SCAPER: variants seen among roughly 807,000 people sequenced by gnomAD.
The protein encoded by SCAPER is S phase cyclin A-associated protein in the endoplasmic reticulum.
Under a neutral mutation model 182.2 loss-of-function variants are expected in SCAPER, and 98 were observed. That is an observed-to-expected ratio of 0.54 (90% CI 0.46 to 0.64). The LOEUF (loss-of-function observed/expected upper bound fraction) is 0.64. Ranked by LOEUF, SCAPER falls within the 30% of genes least tolerant of loss-of-function variation. The pLI, the probability that SCAPER is intolerant of heterozygous loss-of-function variation, is 0.00. For synonymous variants in SCAPER, 605 were observed against 564.6 expected (o/e 1.07, Z -1.01); for missense variants, 1,432 against 1,690.0 (o/e 0.85, Z 2.68).
chr15:76,842,778 G>A (rs1354842300), intron 4 of SCAPER, among the ~76,000 whole-genome samples: 1 of 152,088 alleles, frequency 6.6e-6, no homozygotes, highest in Non-Finnish European at 1.5e-5. Flanking sequence ...AGGTTCAGAG[G>A]CTGAGTTGTT....
intron 14 of SCAPER, among the ~76,000 whole-genome samples, chr15:76,759,319 C>T (rs538606508): frequency 2.6e-5 from 4 of 152,144 alleles, no homozygotes; most frequent in East Asian, 3.9e-4. Flanking sequence ...GACTGGAAGT[C>T]CAATATCAAG....
chr15:76,403,907 G>A (rs2044639504), intron 27 of SCAPER, among the ~76,000 whole-genome samples: 1 of 152,048 alleles, frequency 6.6e-6, no homozygotes, highest in Non-Finnish European at 1.5e-5. Context: ...ACAGTCCGCA[G>A]GGTGGGATGG....
intron 15 of SCAPER, among the ~76,000 whole-genome samples, chr15:76,739,003 T>C (rs752517516): frequency 6.6e-6 from 1 of 152,228 alleles, no homozygotes; most frequent in Non-Finnish European, 1.5e-5. Flanking sequence ...TGCATGCCTG[T>C]ACAGACATTT....
Position 76,504,926 on chromosome 15 carries a change from G to A in SCAPER, c.2887C>T (p.Leu963Phe). The change falls in exon 24 of 32, where the codon CTT becomes TTT. Residue 963 changes from leucine to phenylalanine, a missense_variant. By Grantham distance (22) the Leu-to-Phe change is conservative. Coordinates refer to ENST00000563290, the MANE Select transcript of SCAPER (RefSeq NM_020843.4). ...AFQAAGGLTA[L>F]EHILQAVVPA... ...ACTACTGCTTGAAGGATGTGTTCAA[G>A]GGCTGTTAATCCACCAGCAGCTTGA... 1 of 1,613,030 alleles carries A rather than the reference G, an allele frequency of 6.2e-7. No individual in the cohort carries two copies. Among genetic ancestry groups the A allele is most frequent in the South Asian group, 1.1e-5 (1 of 90,816 alleles).
In SCAPER at chr15:76,702,998, T is replaced by A; in HGVS notation, c.2252A>T (p.Asp751Val). 6.4e-7 allele frequency: 1 copy of A among 1,567,242 alleles called. No individual in the cohort carries two copies. Among genetic ancestry groups the A allele is most frequent in the Non-Finnish European group, 8.6e-7 (1 of 1,163,136 alleles). ...TTCCATGTGCCTTCGAATACTTTCATCATGCTGTAGATGAAGTCAAAGTGC... is the reference window on the plus strand; with the variant it reads ...TTCCATGTGCCTTCGAATACTTTCAACATGCTGTAGATGAAGTCAAAGTGC... ...ELQKKIQLKH[D>V]ESIRRHMEQI... The change falls in exon 19 of 32, where the codon GAT becomes GTT. Residue 751 changes from aspartate to valine, a missense_variant. Coordinates refer to ENST00000563290, the MANE Select transcript of SCAPER (RefSeq NM_020843.4).
At chr15:76,523,687 G>A (rs1306300021) in intron 23 of SCAPER, among the ~76,000 whole-genome samples, 1 of 151,966 alleles carries the variant, frequency 6.6e-6, no homozygotes, top group Non-Finnish European at 1.5e-5. Context: ...TACAATCAGA[G>A]GGCTCAGAGA....
intron 8 of SCAPER, among the ~76,000 whole-genome samples, chr15:76,785,526 G>C (rs979751999): frequency 6.6e-6 from 1 of 152,060 alleles, no homozygotes; most frequent in East Asian, 1.9e-4. Context: ...CCCATTACTG[G>C]GTATATACCC....
intron 2 of SCAPER, among the ~76,000 whole-genome samples, chr15:76,875,587 G>T (rs889140284): frequency 2.6e-5 from 4 of 152,230 alleles, no homozygotes; most frequent in African/African-American, 9.6e-5. Flanking sequence ...GGGTTGCAGT[G>T]AGCTGAGACT....
chr15:76,530,660 A>T (rs903673118), intron 23 of SCAPER, among the ~76,000 whole-genome samples: 1 of 152,188 alleles, frequency 6.6e-6, no homozygotes, highest in Admixed American at 6.5e-5. Flanking sequence ...CTGAGTTTGC[A>T]CCAGGGAAAT....
intron 5 of SCAPER, among the ~76,000 whole-genome samples, chr15:76,841,407 G>C (rs761071578): frequency 1.1e-4 from 17 of 152,142 alleles, no homozygotes; most frequent in Non-Finnish European, 1.5e-4. Flanking sequence ...AGCACTTTGG[G>C]AGGCCGAGAT....
intron 14 of SCAPER, among the ~76,000 whole-genome samples, chr15:76,758,284 A>T (rs937352513): frequency 5.3e-5 from 8 of 152,112 alleles, no homozygotes; most frequent in African/African-American, 1.7e-4. Flanking sequence ...TAAGCATCCA[A>T]TTTCAATCTT....
At chr15:76,675,355 T>C (rs937677162) in intron 20 of SCAPER, among the ~76,000 whole-genome samples, 27 of 152,234 alleles carry the variant, frequency 1.8e-4, no homozygotes, top group African/African-American at 6.0e-4. Flanking sequence ...GCATATACTG[T>C]ACTGCAAGTT....
chr15:76,689,236 A>T (rs965779272), intron 20 of SCAPER, among the ~76,000 whole-genome samples: 2 of 152,190 alleles, frequency 1.3e-5, no homozygotes, highest in African/African-American at 2.4e-5. Flanking sequence ...ACATGTCTTA[A>T]AACAAGAACA....
intron 23 of SCAPER, among the ~76,000 whole-genome samples, chr15:76,512,179 T>G (rs980628334): frequency 6.6e-5 from 10 of 151,952 alleles, no homozygotes; most frequent in Non-Finnish European, 1.3e-4. Flanking sequence ...TGAGCCACCA[T>G]GTCCGGCCCC....
chr15:76,443,090 T>C (rs912465513), intron 25 of SCAPER, among the ~76,000 whole-genome samples: 5 of 152,196 alleles, frequency 3.3e-5, no homozygotes, highest in African/African-American at 1.2e-4. Context: ...TGGTGGACCT[T>C]GATGAATGGA....
intron 21 of SCAPER, among the ~76,000 whole-genome samples, chr15:76,658,076 A>C (rs1597981515): frequency 6.6e-6 from 1 of 152,160 alleles, no homozygotes; most frequent in East Asian, 1.9e-4. Flanking sequence ...GCAATCAGGC[A>C]AAATAATGAA....
At chr15:76,706,054 C>A (rs777630594) in intron 17 of SCAPER, 70 bp from the exon 18 acceptor site, 57 of 1,214,224 alleles carry the variant, frequency 4.7e-5, no homozygotes, top group Non-Finnish European at 6.2e-5. Context: ...CTCAAAAATA[C>A]AATTAGGACA....
intron 23 of SCAPER, among the ~76,000 whole-genome samples, chr15:76,543,988 AT>A (rs1363420190): frequency 6.6e-6 from 1 of 152,180 alleles, no homozygotes; most frequent in Non-Finnish European, 1.5e-5. Context: ...TACAACTCAA[AT>A]TTTTAGAAAA....
chr15:76,636,792 T>G (rs1189053113), intron 21 of SCAPER, among the ~76,000 whole-genome samples: 1 of 152,206 alleles, frequency 6.6e-6, no homozygotes, highest in Non-Finnish European at 1.5e-5. Context: ...GCCTTTTGAT[T>G]ACTTTCCAGA....
Sources: allele counts gnomAD v4.1 joint callset (sites outside exome capture counted in the v4.1 genomes callset), GRCh38; gene constraint gnomAD v4.1.1; transcripts MANE v1.5; gene names NCBI Gene and HGNC (gene_info 2026-07-23, HGNC 2026-07-21).